SV2C: variants seen among roughly 807,000 people sequenced by gnomAD.
The protein encoded by SV2C is synaptic vesicle glycoprotein 2C.
Under a neutral mutation model 79.7 loss-of-function variants are expected in SV2C, and 49 were observed. The observed-to-expected ratio is 0.61, with a 90% CI of 0.49 to 0.78. The LOEUF is 0.78. Ranked by LOEUF, SV2C falls within the 30% of genes least tolerant of loss-of-function variation. The pLI, the probability that SV2C is intolerant of heterozygous loss-of-function variation, is 0.00. For missense variants in SV2C, 833 were observed against 912.9 expected (o/e 0.91, Z 1.13); for synonymous variants, 334 against 333.2 (o/e 1.00, Z -0.03).
intron 4 of SV2C, among the ~76,000 whole-genome samples, chr5:76,235,065 G>A (rs906809301): frequency 2.6e-5 from 4 of 151,322 alleles, no homozygotes; most frequent in Non-Finnish European, 4.4e-5. Flanking sequence ...TTTTCCTATC[G>A]TAATTAACTT....
the SV2C span, among the ~76,000 whole-genome samples, chr5:76,006,811 C>T: frequency 2.6e-5 from 4 of 152,048 alleles, no homozygotes; most frequent in Non-Finnish European, 5.9e-5. Flanking sequence ...TGATATTCTA[C>T]AGCTTCCATG....
At chr5:75,998,169 C>T in the SV2C span, among the ~76,000 whole-genome samples, 224 of 152,048 alleles carry the variant, frequency 1.5e-3, no homozygotes, top group African/African-American at 5.0e-3. Flanking sequence ...GGAAGGGGAA[C>T]ATCACACACC....
intron 4 of SV2C, among the ~76,000 whole-genome samples, chr5:76,278,816 A>G (rs1747097343): frequency 6.6e-6 from 1 of 152,226 alleles, no homozygotes; most frequent in African/African-American, 2.4e-5. Flanking sequence ...GAGGCTTTCA[A>G]GTGACAGAGT....
chr5:75,884,084 C>T, the SV2C span, among the ~76,000 whole-genome samples: 1 of 152,090 alleles, frequency 6.6e-6, no homozygotes, highest in East Asian at 1.9e-4. Context: ...TATTGAACTT[C>T]GGGAAGATAT....
At chr5:75,949,857 G>A in the SV2C span, among the ~76,000 whole-genome samples, 12 of 152,140 alleles carry the variant, frequency 7.9e-5, no homozygotes, top group African/African-American at 2.9e-4. Flanking sequence ...AGTGATTGTG[G>A]TGGAGGTGTT....
chr5:76,344,537 C>T (rs1749502682), intron 12 of SV2C, among the ~76,000 whole-genome samples: 1 of 152,092 alleles, frequency 6.6e-6, no homozygotes, highest in Non-Finnish European at 1.5e-5. Flanking sequence ...GGAGAAATCC[C>T]ATCTCTACTA....
At chr5:75,998,439 C>T in the SV2C span, among the ~76,000 whole-genome samples, 1 of 152,088 alleles carries the variant, frequency 6.6e-6, no homozygotes, top group Non-Finnish European at 1.5e-5. Context: ...ATTATGTGCT[C>T]CCTGAAGTCA....
chr5:76,352,011 G>A (rs781377501), intron 12 of SV2C, among the ~76,000 whole-genome samples: 6 of 152,120 alleles, frequency 3.9e-5, no homozygotes, highest in African/African-American at 7.2e-5. Flanking sequence ...TCAGGAGTTC[G>A]AGACCAGCCT....
chr5:76,095,275 T>C (rs540972633), intron 1 of SV2C, among the ~76,000 whole-genome samples: 1 of 152,226 alleles, frequency 6.6e-6, no homozygotes, highest in East Asian at 1.9e-4. Context: ...TTTGTCACAA[T>C]TGATGAGCCA....
the SV2C span, among the ~76,000 whole-genome samples, chr5:76,048,965 GAGAAAGAAAGAAAGAA>G: frequency 3.8e-3 from 223 of 58,198 alleles, 3 homozygotes; most frequent in Admixed American, 0.013. Flanking sequence ...GAAAGAAAAA[GAGAAAGAAAGAAAGAA>G]AGAAAGAAAG....
At chr5:76,008,247 C>T in the SV2C span, among the ~76,000 whole-genome samples, 1 of 152,144 alleles carries the variant, frequency 6.6e-6, no homozygotes, top group African/African-American at 2.4e-5. Flanking sequence ...TAAGGATGAA[C>T]TGAAGGTGAA....
the SV2C span, among the ~76,000 whole-genome samples, chr5:75,851,614 TGTGGCAAC>T: frequency 6.6e-6 from 1 of 151,970 alleles, no homozygotes; most frequent in Non-Finnish European, 1.5e-5. Flanking sequence ...AGCAGTATGC[TGTGGCAAC>T]TTCTGGGTGG....
At chr5:76,131,234 C>T (rs1346837825) in intron 1 of SV2C, among the ~76,000 whole-genome samples, 1 of 152,104 alleles carries the variant, frequency 6.6e-6, no homozygotes, top group Non-Finnish European at 1.5e-5. Flanking sequence ...TCTTCTAATA[C>T]TCTGGTTTGT....
At chr5:76,191,567 T>C (rs1237043363) in intron 2 of SV2C, among the ~76,000 whole-genome samples, 1 of 152,196 alleles carries the variant, frequency 6.6e-6, no homozygotes, top group East Asian at 1.9e-4. Flanking sequence ...GGAAAAGACA[T>C]GTCCCCTTAG....
chr5:76,085,300 G>A (rs1313929878), intron 1 of SV2C, among the ~76,000 whole-genome samples: 1 of 152,188 alleles, frequency 6.6e-6, no homozygotes, highest in Non-Finnish European at 1.5e-5. Context: ...TGAGGTTTAA[G>A]AATGTCTTAC....
chr5:76,127,523 C>T (rs1748748477), intron 1 of SV2C, among the ~76,000 whole-genome samples: 1 of 152,196 alleles, frequency 6.6e-6, no homozygotes, highest in Admixed American at 6.5e-5. Flanking sequence ...ATGTATCCTG[C>T]AGCTTAGCAT....
At chr5:76,322,933 C>T (rs1340790411) in intron 12 of SV2C, among the ~76,000 whole-genome samples, 1 of 152,188 alleles carries the variant, frequency 6.6e-6, no homozygotes, top group Admixed American at 6.5e-5. Flanking sequence ...CATAAAAACC[C>T]TAGAAGAAAA....
At chr5:76,106,961 GC>G (rs1394576574) in intron 1 of SV2C, among the ~76,000 whole-genome samples, 4 of 152,096 alleles carry the variant, frequency 2.6e-5, no homozygotes, top group African/African-American at 9.7e-5. Flanking sequence ...CCAGAATAGT[GC>G]CTGACACACA....
In SV2C at chr5:76,295,794, GT is replaced by G; in HGVS notation, c.1357del (p.Trp453GlyfsTer17). On this transcript the variant is annotated frameshift_variant, in exon 9 of 13. Transcript: ENST00000502798. LOFTEE classifies it high-confidence loss of function. The part of the protein sequence containing the change: ...TLSFGYYGLS[V>X]WFPDVIKPLQ... Reference sequence around the variant, plus strand: ...TCTTTGCAGGTACTATGGATTATCCGTTTGGTTCCCTGATGTCATTAAACCT... The same window carrying G: ...TCTTTGCAGGTACTATGGATTATCCGTTGGTTCCCTGATGTCATTAAACCT... 6.2e-7 allele frequency: 1 copy of G among 1,610,340 alleles called. No homozygotes were observed. Among genetic ancestry groups the G allele is most frequent in the Non-Finnish European group, 8.5e-7 (1 of 1,179,042 alleles).
Sources: gnomAD v4.1 joint callset for allele counts (sites outside exome capture counted in the v4.1 genomes callset) on GRCh38, gnomAD v4.1.1 for gene constraint, MANE v1.5 for transcripts, NCBI Gene and HGNC (gene_info 2026-07-23, HGNC 2026-07-21) for gene names.